The following GLI3 variants were observed in gnomAD, a reference collection of about 807,000 sequenced individuals.
GLI3 encodes the protein transcription activator GLI3.
A neutral mutation model predicts 100.8 loss-of-function variants in GLI3; 20 were observed. The observed-to-expected ratio is 0.20, with a 90% CI of 0.14 to 0.29. The LOEUF (loss-of-function observed/expected upper bound fraction) is 0.29, where lower values mean the gene tolerates loss of function less well. GLI3 is among the 10% of genes least tolerant of loss of function. GLI3 has a pLI of 1.00. For synonymous variants in GLI3, 938 were observed against 860.5 expected (o/e 1.09, Z -1.58); for missense variants, 2,040 against 2,128.5 (o/e 0.96, Z 0.82).
chr7:42,158,159 C>T (rs1048707851), intron 2 of GLI3, among the ~76,000 whole-genome samples: 2 of 152,198 alleles, frequency 1.3e-5, no homozygotes, highest in African/African-American at 4.8e-5. Context: ...ATGGGAAATG[C>T]GTTAACAACA....
chr7:42,228,942 T>A (rs1788638747), intron 1 of GLI3, among the ~76,000 whole-genome samples: 1 of 152,140 alleles, frequency 6.6e-6, no homozygotes, highest in Non-Finnish European at 1.5e-5. Flanking sequence ...AAGTCACAAG[T>A]GTGGGAACGT....
intron 2 of GLI3, among the ~76,000 whole-genome samples, chr7:42,196,536 C>T (rs1341953559): frequency 1.3e-5 from 2 of 152,152 alleles, no homozygotes; most frequent in Non-Finnish European, 2.9e-5. Context: ...CTTCAGCATC[C>T]CCTTTTAAAG....
At chr7:42,226,247 T>C (rs1350718688) in intron 1 of GLI3, among the ~76,000 whole-genome samples, 1 of 152,112 alleles carries the variant, frequency 6.6e-6, no homozygotes, top group Admixed American at 6.5e-5. Context: ...AACATGCAAA[T>C]GCACCAGAAA....
At chr7:42,156,848 T>G (rs948852679) in intron 2 of GLI3, among the ~76,000 whole-genome samples, 4 of 152,238 alleles carry the variant, frequency 2.6e-5, no homozygotes, top group African/African-American at 9.6e-5. Flanking sequence ...AAAGTTCTAT[T>G]TCCTAACCTT....
chr7:42,211,430 T>C (rs982590146), intron 2 of GLI3, among the ~76,000 whole-genome samples: 3 of 152,180 alleles, frequency 2.0e-5, no homozygotes, highest in African/African-American at 7.2e-5. Context: ...CTAGAAACAT[T>C]AGTATTTTAG....
chr7:41,981,692 G>A (rs1031450932), intron 10 of GLI3, among the ~76,000 whole-genome samples: 2 of 152,226 alleles, frequency 1.3e-5, no homozygotes, highest in Non-Finnish European at 1.5e-5. Flanking sequence ...TGACAGGGAA[G>A]GGAAGGCTCT....
At chr7:42,156,578 G>A (rs565398309) in intron 2 of GLI3, among the ~76,000 whole-genome samples, 2 of 152,226 alleles carry the variant, frequency 1.3e-5, no homozygotes, top group East Asian at 1.9e-4. Flanking sequence ...CGAGATCCAC[G>A]GCCAACAGTT....
At chr7:42,149,184 G>C (rs1786795568) in intron 2 of GLI3, among the ~76,000 whole-genome samples, 1 of 152,098 alleles carries the variant, frequency 6.6e-6, no homozygotes, top group Admixed American at 6.5e-5. Context: ...GAGGAACACA[G>C]AGTGAGACTG....
chr7:42,042,171 C>A (rs557983783), intron 6 of GLI3, among the ~76,000 whole-genome samples: 14 of 152,164 alleles, frequency 9.2e-5, no homozygotes, highest in African/African-American at 3.1e-4. Context: ...CACCACCACG[C>A]CCGGATAATT....
chr7:41,994,762 A>T (rs763514710), intron 10 of GLI3, among the ~76,000 whole-genome samples: 15 of 152,226 alleles, frequency 9.9e-5, no homozygotes, highest in Admixed American at 5.9e-4. Context: ...TGGTACTTTT[A>T]TTCCATAAAA....
chr7:42,182,660 A>ATATATATATACACATGTGTGTG (rs1554337051), intron 2 of GLI3, among the ~76,000 whole-genome samples: 1 of 59,138 alleles, frequency 1.7e-5, no homozygotes, highest in Admixed American at 1.5e-4. Context: ...ATATATATAT[A>ATATATATATACACATGTGTGTG]TATATATATA....
intron 2 of GLI3, among the ~76,000 whole-genome samples, chr7:42,205,166 C>A (rs531930993): frequency 2.6e-5 from 4 of 152,126 alleles, no homozygotes; most frequent in Non-Finnish European, 5.9e-5. Flanking sequence ...GTTTGTGATA[C>A]TTTTTATAAG....
At chr7:42,214,451 C>T (rs1162898082) in intron 2 of GLI3, among the ~76,000 whole-genome samples, 4 of 131,120 alleles carry the variant, frequency 3.1e-5, no homozygotes, top group Non-Finnish European at 6.4e-5. Context: ...CAACTTTCTA[C>T]AACTAAAGAA....
chr7:42,205,677 A>C (rs1349681622), intron 2 of GLI3, among the ~76,000 whole-genome samples: 1 of 152,220 alleles, frequency 6.6e-6, no homozygotes, highest in Non-Finnish European at 1.5e-5. Context: ...AGTAAAACTA[A>C]ATTGCTTCCA....
chr7:41,966,083 G>A lies in GLI3; in HGVS notation c.2990C>T (p.Ala997Val). The A allele has an allele frequency of 6.4e-7, 1 of 1,568,070 alleles. No homozygotes were observed. Among genetic ancestry groups the A allele is most frequent in the Non-Finnish European group, 8.6e-7 (1 of 1,163,184 alleles). ...YGRRHLQPHD[A>V]PGHGVRRASD... ...GGCCCTCCTCACGCCGTGGCCCGGCGCATCGTGCGGCTGCAGGTGGCGCCG... is the reference window on the plus strand; with the variant it reads ...GGCCCTCCTCACGCCGTGGCCCGGCACATCGTGCGGCTGCAGGTGGCGCCG... The change falls in exon 15 of 15, where the codon GCG becomes GTG. Residue 997 changes from alanine to valine, a missense_variant. Ala to Val is a moderately conservative substitution (Grantham distance 64, BLOSUM62 0). This residue lies in a region of GLI3 where 1,041 missense variants were observed against 924.0 expected (regional missense o/e 1.13). Transcript: ENST00000395925. The surrounding 1 kb of genome is among the most constrained non-coding windows in gnomAD (Gnocchi z 5.8).
At chr7:42,143,423 G>T (rs1171981625) in intron 3 of GLI3, among the ~76,000 whole-genome samples, 1 of 152,194 alleles carries the variant, frequency 6.6e-6, no homozygotes, top group African/African-American at 2.4e-5. Flanking sequence ...ACAGTCTCAA[G>T]ATGACACTTG....
At chr7:42,257,580 G>A (rs1287152424) in intron 1 of GLI3, among the ~76,000 whole-genome samples, 2 of 151,952 alleles carry the variant, frequency 1.3e-5, no homozygotes, top group Non-Finnish European at 2.9e-5. Context: ...TCCTGACCTC[G>A]TGATCCTCCC....
chr7:42,255,711 A>G (rs1030830921), intron 1 of GLI3, among the ~76,000 whole-genome samples: 1 of 152,170 alleles, frequency 6.6e-6, no homozygotes, highest in East Asian at 1.9e-4. Flanking sequence ...CTACTCATCA[A>G]TTGATAGGCA....
chr7:42,217,053 A>G (rs1788391346), intron 2 of GLI3, among the ~76,000 whole-genome samples: 1 of 152,232 alleles, frequency 6.6e-6, no homozygotes, highest in African/African-American at 2.4e-5. Flanking sequence ...TGGCAGGAGC[A>G]AGTCCCATGC....
Sources: allele counts gnomAD v4.1 joint callset (sites outside exome capture counted in the v4.1 genomes callset), GRCh38; gene constraint gnomAD v4.1.1; regional missense constraint gnomAD v4.1.1; non-coding constraint Gnocchi (gnomAD v3.1); transcripts MANE v1.5; gene names NCBI Gene and HGNC (gene_info 2026-07-23, HGNC 2026-07-21).